Variants in CCDC171 observed in about 807,000 individuals in gnomAD.
CCDC171 encodes coiled-coil domain containing 171.
CCDC171 carries 177 observed loss-of-function variants against 168.2 expected under a neutral mutation model. The ratio of observed to expected loss-of-function variants is 1.05; its 90% CI spans 0.93 to 1.19. CCDC171 has a LOEUF of 1.19. CCDC171 is among the 50% of genes most tolerant of loss of function. The pLI is 0.00. For synonymous variants in CCDC171, 687 were observed against 540.8 expected (o/e 1.27, Z -3.75); for missense variants, 1,991 against 1,539.0 (o/e 1.29, Z -4.91).
intron 3 of CCDC171, among the ~76,000 whole-genome samples, chr9:15,984,875 C>T (rs546820692): frequency 1.1e-3 from 170 of 152,150 alleles, no homozygotes; most frequent in South Asian, 0.011. Flanking sequence ...TCACTATGGA[C>T]TTTTGCACAA....
chr9:16,043,381 A>G (rs553412208), intron 1 of CCDC171, among the ~76,000 whole-genome samples: 1 of 152,272 alleles, frequency 6.6e-6, no homozygotes, highest in African/African-American at 2.4e-5. Context: ...CATTACCAAC[A>G]TTTATTTGGG....
At chr9:16,041,093 A>T (rs1011216283), upstream of CCDC171, among the ~76,000 whole-genome samples, 4 of 152,224 alleles carry the variant, frequency 2.6e-5, no homozygotes, top group Admixed American at 2.6e-4. Flanking sequence ...ACAAGGAAAG[A>T]TGTTTAATGA....
intron 21 of CCDC171, among the ~76,000 whole-genome samples, chr9:15,822,456 G>T (rs1339151006): frequency 1.3e-5 from 2 of 151,890 alleles, no homozygotes; most frequent in Non-Finnish European, 2.9e-5. Flanking sequence ...CTAATATCCA[G>T]AATCTACAAT....
intron 7 of CCDC171, among the ~76,000 whole-genome samples, chr9:15,646,107 A>G (rs991955152): frequency 1.3e-5 from 2 of 152,208 alleles, no homozygotes; most frequent in African/African-American, 4.8e-5. Context: ...ATGCTTAAAG[A>G]AAAGAATTTT....
chr9:16,101,967 A>G, the CCDC171 span, among the ~76,000 whole-genome samples: 1 of 152,170 alleles, frequency 6.6e-6, no homozygotes, highest in African/African-American at 2.4e-5. Context: ...GAACCAGGGA[A>G]ACTTTGAGGT....
chr9:16,085,638 T>A, the CCDC171 span, among the ~76,000 whole-genome samples: 3 of 152,226 alleles, frequency 2.0e-5, no homozygotes, highest in Non-Finnish European at 4.4e-5. Flanking sequence ...GAAATGTGTT[T>A]CCAGGTCCTC....
intron 3 of CCDC171, among the ~76,000 whole-genome samples, chr9:16,004,777 A>G (rs1049400538): frequency 6.6e-6 from 1 of 152,142 alleles, no homozygotes. Flanking sequence ...GAGAATTGGT[A>G]TTTCTAGTCC....
At chr9:15,628,548 A>G (rs1397115260) in intron 7 of CCDC171, among the ~76,000 whole-genome samples, 4 of 152,242 alleles carry the variant, frequency 2.6e-5, no homozygotes, top group Non-Finnish European at 4.4e-5. Context: ...GGTGGAGCCC[A>G]CCACAGCTCA....
chr9:15,791,534 T>C (rs1223046244), intron 21 of CCDC171, among the ~76,000 whole-genome samples: 3 of 152,246 alleles, frequency 2.0e-5, no homozygotes, highest in Non-Finnish European at 2.9e-5. Context: ...AATCATGTCA[T>C]CTGCAAACAG....
At chr9:15,983,813 A>AGGGTGTGTGT (rs1491447704) in intron 3 of CCDC171, among the ~76,000 whole-genome samples, 7 of 43,382 alleles carry the variant, frequency 1.6e-4, no homozygotes, top group African/African-American at 9.1e-4. Flanking sequence ...AGCTAAATAA[A>AGGGTGTGTGT]GAGAGTGTGT....
intron 24 of CCDC171, among the ~76,000 whole-genome samples, chr9:15,909,303 T>A (rs778534400): frequency 3.3e-5 from 5 of 152,146 alleles, no homozygotes; most frequent in Non-Finnish European, 7.4e-5. Context: ...AAAATTTTGT[T>A]TGTGATCCTT....
chr9:15,955,226 C>G (rs912099511), intron 25 of CCDC171, among the ~76,000 whole-genome samples: 1 of 152,100 alleles, frequency 6.6e-6, no homozygotes, highest in Non-Finnish European at 1.5e-5. Context: ...TAATTTTCCT[C>G]ACATATGTAG....
At chr9:15,836,176 T>A (rs1356313987) in intron 21 of CCDC171, among the ~76,000 whole-genome samples, 1 of 152,090 alleles carries the variant, frequency 6.6e-6, no homozygotes, top group East Asian at 1.9e-4. Flanking sequence ...TAAGATACCC[T>A]CTCCTATGTT....
chr9:15,790,091 T>G (rs1317831530), intron 21 of CCDC171, among the ~76,000 whole-genome samples: 3 of 152,184 alleles, frequency 2.0e-5, no homozygotes, highest in African/African-American at 7.2e-5. Flanking sequence ...GCAGCATGAT[T>G]TATAATCCTT....
chr9:15,797,277 C>T (rs901373349), intron 21 of CCDC171, among the ~76,000 whole-genome samples: 23 of 152,236 alleles, frequency 1.5e-4, no homozygotes, highest in African/African-American at 5.1e-4. Context: ...AGTGCAGTGG[C>T]GCTATCATGG....
intron 10 of CCDC171, among the ~76,000 whole-genome samples, chr9:15,686,322 G>A (rs2050390185): frequency 6.6e-6 from 1 of 152,070 alleles, no homozygotes; most frequent in Admixed American, 6.5e-5. Flanking sequence ...TGACTTTAGT[G>A]ATATTCTTCC....
At chr9:15,962,040 C>T (rs1830394593) in intron 25 of CCDC171, among the ~76,000 whole-genome samples, 1 of 152,060 alleles carries the variant, frequency 6.6e-6, no homozygotes, top group Non-Finnish European at 1.5e-5. Context: ...AATAACATAT[C>T]ATGACACATA....
At chr9:15,656,247 G>A (rs771801440) in intron 7 of CCDC171, among the ~76,000 whole-genome samples, 3 of 151,954 alleles carry the variant, frequency 2.0e-5, no homozygotes, top group Non-Finnish European at 2.9e-5. Context: ...GTATGAACCC[G>A]GGAGGTAGAG....
intron 7 of CCDC171, among the ~76,000 whole-genome samples, chr9:15,633,786 A>C (rs1288627249): frequency 6.6e-6 from 1 of 152,220 alleles, no homozygotes; most frequent in Non-Finnish European, 1.5e-5. Context: ...AATGTCCAAC[A>C]ATGATAGACT....
Sources: allele counts gnomAD v4.1 joint callset (sites outside exome capture counted in the v4.1 genomes callset), GRCh38; gene constraint gnomAD v4.1.1; transcripts MANE v1.5; gene names NCBI Gene and HGNC (gene_info 2026-07-23, HGNC 2026-07-21).